The following JPH4 variants were observed in gnomAD, a reference collection of about 807,000 sequenced individuals.
JPH4 encodes junctophilin 4.
Under a neutral mutation model 57.6 loss-of-function variants are expected in JPH4, and 18 were observed. The observed-to-expected ratio is 0.31, with a 90% CI of 0.22 to 0.46. The LOEUF is 0.46. JPH4 is among the 20% of genes least tolerant of loss of function. The pLI is 1.00. For synonymous variants in JPH4, 425 were observed against 406.6 expected, an observed-to-expected ratio of 1.05 and a Z score of -0.54; for missense variants, 727 against 911.1, an observed-to-expected ratio of 0.80 and a Z score of 2.60.
chr14:23,570,847 C>G, intron 5 of JPH4, 81 bp downstream of exon 5: 1 of 1,341,510 alleles, frequency 7.5e-7, no homozygotes, highest in South Asian at 1.9e-5. Flanking sequence ...AAAAGCCCCC[C>G]CGGTGATCAG....
In JPH4 at chr14:23,568,739, T is replaced by C; in HGVS notation, c.*895A>G. The C allele has an allele frequency of 2.0e-6, 2 of 985,918 alleles. No individual in the cohort carries two copies. Among genetic ancestry groups the C allele is most frequent in the African/African-American group, 3.5e-5 (2 of 57,348 alleles). The allele number at this position is 985,918 out of a possible 1,614,324, so 61.1% of individuals were successfully genotyped here. A position where few individuals can be genotyped will look rare whatever the true frequency, so the allele number is the denominator to read the frequency against. Reference sequence around the variant, plus strand: ...TCTAACCCTCTGCAGTAGAAATGTCTTCTTCAGGCCCCTTAGGAATTTAAT... The same window carrying C: ...TCTAACCCTCTGCAGTAGAAATGTCCTCTTCAGGCCCCTTAGGAATTTAAT... On this transcript the variant is annotated 3_prime_UTR_variant, in exon 6 of 6. Transcript: ENST00000356300.
chr14:23,568,749 C>T lies in JPH4; in HGVS notation c.*885G>A. On this transcript the variant is annotated 3_prime_UTR_variant, in exon 6 of 6. Transcript: ENST00000356300. ...TGCAGTAGAAATGTCTTCTTCAGGC[C>T]CCTTAGGAATTTAATCAAAGGCCAC... 3.0e-6 allele frequency: 3 copies of T among 985,834 alleles called. No homozygotes were observed. Among genetic ancestry groups the T allele is most frequent in the Non-Finnish European group, 3.6e-6 (3 of 829,968 alleles). 61.1% of individuals were successfully genotyped at this position (985,834 alleles called of 1,614,324 possible).
Position 23,577,474 on chromosome 14 carries a change from C to G in JPH4, c.-21G>C. 1 of 1,396,210 alleles carries G rather than the reference C, an allele frequency of 7.2e-7. No individual in the cohort carries two copies. The highest frequency in any genetic ancestry group is 1.6e-5 in the South Asian group (1 of 62,750). 86.5% of individuals were successfully genotyped at this position (1,396,210 alleles called of 1,614,324 possible). On this transcript the variant is annotated 5_prime_UTR_variant, in exon 2 of 6. An upstream open reading frame in the 5' UTR loses its in-frame stop. Transcript: ENST00000356300. The surrounding 1 kb of genome is among the most constrained non-coding windows in gnomAD (Gnocchi z 8.4). ...GACATGCATGTAGTTGGCGCGGCCT[C>G]AGCCCCCCGGCGGCTCAGCGCATCC...
chr14:23,577,445 G>T lies in JPH4; in HGVS notation c.9C>A (p.Pro3=). The change falls in exon 2 of 6, where the codon CCC becomes CCA. Residue 3 remains proline (P), a synonymous_variant. Coordinates refer to ENST00000356300, the MANE Select transcript of JPH4 (RefSeq NM_001146028.2). The surrounding 1 kb of genome is among the most constrained non-coding windows in gnomAD (Gnocchi z 8.4). ...CGTCGTCAAAGTCGAACTTGCCCCC[G>T]GGGGACATGCATGTAGTTGGCGCGG... MS[P]GGKFDFDDGG... 1.4e-6 allele frequency: 2 copies of T among 1,431,708 alleles called. No homozygotes were observed. The allele number at this position is 1,431,708 out of a possible 1,614,324, so 88.7% of individuals were successfully genotyped here. A position where few individuals can be genotyped will look rare whatever the true frequency, so the allele number is the denominator to read the frequency against.
intron 3 of JPH4, among the ~76,000 whole-genome samples, chr14:23,574,384 C>A (rs964241265): frequency 3.9e-5 from 6 of 152,128 alleles, no homozygotes; most frequent in Admixed American, 1.3e-4. Flanking sequence ...GTTGGCCAGG[C>A]TGGTCTTGAA....
rs923960871 is a variant in JPH4, at chr14:23,573,040, G to C, written c.1152-1120C>G. ...AAAAGAGCTGAGGAAAAGGCAGGCC[G>C]ACGAGCTGCCATGGGCTTGAATTGA... On this transcript the variant is annotated intron_variant, in intron 3 of 5. Transcript: ENST00000356300. 1.0e-5 allele frequency: 7 copies of C among 680,964 alleles called. No individual in the cohort carries two copies. The African/African-American group carries it at 1.2e-4, about 12-fold the overall frequency. 42.2% of individuals were successfully genotyped at this position (680,964 alleles called of 1,614,324 possible). A position where few individuals can be genotyped will look rare whatever the true frequency, so the allele number is the denominator to read the frequency against.
At chr14:23,574,811 G>A (rs924939327) in intron 3 of JPH4, 26 of 258,014 alleles carry the variant, frequency 1.0e-4, no homozygotes, top group Middle Eastern at 1.2e-3. Flanking sequence ...TTTCTATTCC[G>A]TTGTTTGTTT....
chr14:23,577,661 A>G lies in JPH4; in HGVS notation c.-171-37T>C. ...GAGGGAGGGGGGCAAGTGGCGAGAG[A>G]GGCCCCTCCTCTTTGCCCGCCGCTC... On this transcript the variant is annotated intron_variant, in intron 1 of 5. Coordinates refer to ENST00000356300, the MANE Select transcript of JPH4 (RefSeq NM_001146028.2). This position sits in a 1 kb window ranked among gnomAD's most constrained non-coding sequence, Gnocchi z 8.4. 1 of 421,734 alleles carries G rather than the reference A, an allele frequency of 2.4e-6. No individual in the cohort carries two copies. The highest frequency in any genetic ancestry group is 4.2e-6 in the Non-Finnish European group (1 of 240,678). 26.1% of individuals were successfully genotyped at this position (421,734 alleles called of 1,614,324 possible). A position where few individuals can be genotyped will look rare whatever the true frequency, so the allele number is the denominator to read the frequency against.
rs749574973 is a variant in JPH4, at chr14:23,571,288, A to T, written c.1443T>A (p.Pro481=). The T allele has an allele frequency of 1.6e-5, 25 of 1,599,798 alleles. No individual in the cohort carries two copies. Among genetic ancestry groups the T allele is most frequent in the Non-Finnish European group, 2.1e-5 (25 of 1,172,832 alleles). Residue 481 remains proline (P), a synonymous_variant, in exon 5 of 6, where the codon CCT becomes CCA. Transcript: ENST00000356300. This position sits in a 1 kb window ranked among gnomAD's most constrained non-coding sequence, Gnocchi z 4.6. ...AGAAGGGACCCTGGTCCCCTCCAGG[A>T]GGCAGTGGGCTCCGGCAGGCAGGGG... The part of the protein sequence containing the change: ...WRPPACRSPL[P]PGGDQGPFSS...
At chr14:23,570,811 C>T in intron 5 of JPH4, 117 bp downstream of exon 5, 1 of 1,092,452 alleles carries the variant, frequency 9.2e-7, no homozygotes, top group Non-Finnish European at 1.2e-6. Flanking sequence ...CCAAGACTGG[C>T]CAGGCAGAGG....
chr14:23,572,417 GC>G (rs1325584631), intron 3 of JPH4, among the ~76,000 whole-genome samples: 19 of 151,762 alleles, frequency 1.3e-4, no homozygotes, highest in Admixed American at 2.6e-4. Context: ...GTGGGGTCTA[GC>G]ACAGGGTCCT....
intron 3 of JPH4, among the ~76,000 whole-genome samples, chr14:23,573,209 G>A (rs1004985283): frequency 1.3e-5 from 2 of 152,178 alleles, no homozygotes; most frequent in African/African-American, 4.8e-5. Context: ...TTTGGGAGCC[G>A]TGATTAGCCC....
intron 3 of JPH4, chr14:23,572,735 C>T (rs1889181700): frequency 1.6e-6 from 1 of 611,428 alleles, no homozygotes; most frequent in Non-Finnish European, 2.9e-6. Flanking sequence ...CGGTAATGAT[C>T]CCATCCCCTC....
Position 23,576,149 on chromosome 14 carries a change from T to C in JPH4, c.687A>G (p.Arg229=). Residue 229 remains arginine (R), a synonymous_variant, in exon 3 of 6, where the codon CGA becomes CGG. Transcript: ENST00000356300. This position sits in a 1 kb window ranked among gnomAD's most constrained non-coding sequence, Gnocchi z 8.0. ...CCAGGGAGCTGCGACGTCCGCCCGC[T>C]CGGAGCCCGCTGAGCAGCAGCGAAC... ...FRRSLLLSGL[R]AGGRRSSLGS... 1 of 1,310,142 alleles carries C rather than the reference T, an allele frequency of 7.6e-7. No individual in the cohort carries two copies. Among genetic ancestry groups the C allele is most frequent in the Non-Finnish European group, 9.7e-7 (1 of 1,028,926 alleles). The allele number at this position is 1,310,142 out of a possible 1,614,324, so 81.2% of individuals were successfully genotyped here.
rs928768137 is a variant in JPH4 at position 23,577,876 on chromosome 14, C to T, written c.-171-252G>A. On this transcript the variant is annotated intron_variant, in intron 1 of 5. Coordinates refer to ENST00000356300, the MANE Select transcript of JPH4 (RefSeq NM_001146028.2). This position sits in a 1 kb window ranked among gnomAD's most constrained non-coding sequence, Gnocchi z 8.4. ...GAGTCCCAATTCTCCAACCTAGAAC[C>T]CCGAAGTGTCGAGTGTGGATGGCAG... 1.3e-5 allele frequency: 2 copies of T among 157,650 alleles called. No individual in the cohort carries two copies. Among genetic ancestry groups the T allele is most frequent in the African/African-American group, 4.8e-5 (2 of 41,624 alleles). 9.8% of individuals were successfully genotyped at this position (157,650 alleles called of 1,614,324 possible). A position where few individuals can be genotyped will look rare whatever the true frequency, so the allele number is the denominator to read the frequency against.
In JPH4 at chr14:23,577,329, C is replaced by T; in HGVS notation, c.125G>A (p.Cys42Tyr). ...CAGTGACTCGAAGCCGTGTGCCCAG[C>T]AGCCGCTGTACTCGCCCTGGGCGCC... The part of the protein sequence containing the change: ...GPGAQGEYSG[C>Y]WAHGFESLGV... Residue 42 changes from cysteine (C) to tyrosine (Y), a missense_variant, in exon 2 of 6, where the codon TGC becomes TAC. Cys to Tyr is a radical substitution (Grantham distance 194, BLOSUM62 -2). Transcript: ENST00000356300. The surrounding 1 kb of genome is among the most constrained non-coding windows in gnomAD (Gnocchi z 8.4). 1.3e-6 allele frequency: 2 copies of T among 1,535,790 alleles called. No homozygotes were observed. The highest frequency in any genetic ancestry group is 1.7e-6 in the Non-Finnish European group (2 of 1,144,622).
chr14:23,571,609 T>C lies in JPH4; in HGVS notation c.1271-149A>G. The C allele has an allele frequency of 9.1e-7, 1 of 1,100,178 alleles. No individual in the cohort carries two copies. The allele number at this position is 1,100,178 out of a possible 1,614,324, so 68.2% of individuals were successfully genotyped here. A position where few individuals can be genotyped will look rare whatever the true frequency, so the allele number is the denominator to read the frequency against. On this transcript the variant is annotated intron_variant, in intron 4 of 5. Transcript: ENST00000356300. This position sits in a 1 kb window ranked among gnomAD's most constrained non-coding sequence, Gnocchi z 4.6. ...CCAGACCCCAAACCCCCCATTATCC[T>C]ACTGCATACATTCCCAAGTCCCACT...
rs767336430 is a variant in JPH4, at chr14:23,577,522, G to A, written c.-69C>T. ...TCCTGGGACTGGAGAGCCTGCTGGGGGCCTTGGAGCCGGGCGAGGCCTCGG... is the reference window on the plus strand; with the variant it reads ...TCCTGGGACTGGAGAGCCTGCTGGGAGCCTTGGAGCCGGGCGAGGCCTCGG... On this transcript the variant is annotated 5_prime_UTR_variant, in exon 2 of 6. Coordinates refer to ENST00000356300, the MANE Select transcript of JPH4 (RefSeq NM_001146028.2). The surrounding 1 kb of genome is among the most constrained non-coding windows in gnomAD (Gnocchi z 8.4). The A allele has an allele frequency of 8.8e-5, 116 of 1,317,616 alleles. No homozygotes were observed. Among genetic ancestry groups the A allele is most frequent in the Non-Finnish European group, 1.1e-4 (112 of 1,026,026 alleles). 81.6% of individuals were successfully genotyped at this position (1,317,616 alleles called of 1,614,324 possible). A position where few individuals can be genotyped will look rare whatever the true frequency, so the allele number is the denominator to read the frequency against.
chr14:23,569,329 GT>G lies in JPH4; in HGVS notation c.*304del, dbSNP rs1188817563. On this transcript the variant is annotated 3_prime_UTR_variant, in exon 6 of 6. Transcript: ENST00000356300. This position sits in a 1 kb window ranked among gnomAD's most constrained non-coding sequence, Gnocchi z 4.8. ...GCAATGGTCTGACTTAGATTTGTGTGTCTCAGAGAAGACAGCAACTCTGAGA... is the reference window on the plus strand; with the variant it reads ...GCAATGGTCTGACTTAGATTTGTGTGCTCAGAGAAGACAGCAACTCTGAGA... 7.9e-6 allele frequency: 3 copies of G among 378,788 alleles called. No homozygotes were observed. Among genetic ancestry groups the G allele is most frequent in the Non-Finnish European group, 1.5e-5 (3 of 201,750 alleles). 23.5% of individuals were successfully genotyped at this position (378,788 alleles called of 1,614,324 possible).
Sources: allele counts gnomAD v4.1 joint callset (sites outside exome capture counted in the v4.1 genomes callset), GRCh38; gene constraint gnomAD v4.1.1; non-coding constraint Gnocchi (gnomAD v3.1); transcripts MANE v1.5; gene names NCBI Gene and HGNC (gene_info 2026-07-23, HGNC 2026-07-21).